The following RALGPS1 variants were observed in gnomAD, a reference collection of about 807,000 sequenced individuals.
The protein encoded by RALGPS1 is ras-specific guanine nucleotide-releasing factor RalGPS1.
RALGPS1 carries 19 observed loss-of-function variants against 78.8 expected under a neutral mutation model. The observed-to-expected ratio is 0.24, with a 90% CI of 0.17 to 0.35. The LOEUF (loss-of-function observed/expected upper bound fraction) is 0.35, where lower values mean the gene tolerates loss of function less well. RALGPS1 is among the 10% of genes least tolerant of loss of function. The probability of loss-of-function intolerance (pLI) is 1.00; values close to 1 mark genes in which losing one functional copy is unlikely to be tolerated. For synonymous variants in RALGPS1, 228 were observed against 256.3 expected, an observed-to-expected ratio of 0.89 and a Z score of 1.06; for missense variants, 454 against 688.3, an observed-to-expected ratio of 0.66 and a Z score of 3.81.
chr9:127,171,283 A>C (rs2139776814), intron 10 of RALGPS1, among the ~76,000 whole-genome samples: 1 of 152,338 alleles, frequency 6.6e-6, no homozygotes, highest in East Asian at 1.9e-4. Flanking sequence ...GATGGATAGA[A>C]GGATAGAATA....
chr9:127,213,182 G>T, intron 17 of RALGPS1, 133 bp downstream of exon 17: 2 of 1,475,006 alleles, frequency 1.4e-6, no homozygotes, highest in Non-Finnish European at 1.8e-6. Flanking sequence ...TGACGTTCAT[G>T]GGGTCCATGC....
intron 4 of RALGPS1, among the ~76,000 whole-genome samples, chr9:126,985,678 ACTT>A: frequency 6.6e-6 from 1 of 152,130 alleles, no homozygotes. Context: ...TAGTTCTTTT[ACTT>A]CTTGTCTTCT....
intron 5 of RALGPS1, 96 bp downstream of exon 5, chr9:127,034,610 C>T (rs1564455476): frequency 2.0e-6 from 2 of 1,025,194 alleles, no homozygotes; most frequent in Non-Finnish European, 3.1e-6. Flanking sequence ...TCCCAGGCTC[C>T]CAGCTGGCCC....
intron 8 of RALGPS1, among the ~76,000 whole-genome samples, chr9:127,160,904 A>T (rs923856274): frequency 6.6e-6 from 1 of 152,244 alleles, no homozygotes; most frequent in African/African-American, 2.4e-5. Flanking sequence ...CTAAGGTGCC[A>T]TGGTAAACAC....
At chr9:127,206,047 CCAGCAGAATT>C (rs1290655019) in intron 14 of RALGPS1, among the ~76,000 whole-genome samples, 4 of 152,198 alleles carry the variant, frequency 2.6e-5, no homozygotes, top group African/African-American at 9.7e-5. Context: ...AACCCAGGGC[CCAGCAGAATT>C]CAGGGTAGCA....
At chr9:127,037,548 A>C (rs2046964498) in intron 5 of RALGPS1, among the ~76,000 whole-genome samples, 1 of 152,240 alleles carries the variant, frequency 6.6e-6, no homozygotes, top group Non-Finnish European at 1.5e-5. Context: ...GGAGATACTG[A>C]CTTCAAATAT....
intron 4 of RALGPS1, among the ~76,000 whole-genome samples, chr9:126,996,207 C>CAA (rs1250341934): frequency 2.0e-5 from 3 of 152,050 alleles, no homozygotes; most frequent in Non-Finnish European, 4.4e-5. Flanking sequence ...GAAATAGAGA[C>CAA]ACAAAAAACC....
chr9:126,958,470 C>T (rs948536082), intron 1 of RALGPS1, among the ~76,000 whole-genome samples: 3 of 152,062 alleles, frequency 2.0e-5, no homozygotes, highest in African/African-American at 7.2e-5. Context: ...GCACTTTTGT[C>T]GCTCTAAATT....
intron 1 of RALGPS1, among the ~76,000 whole-genome samples, chr9:126,934,268 A>G (rs1350901565): frequency 6.6e-6 from 1 of 152,226 alleles, no homozygotes; most frequent in Non-Finnish European, 1.5e-5. Context: ...AACCATATGG[A>G]ACATCAATGT....
At chr9:126,972,852 A>G (rs574320457) in intron 3 of RALGPS1, among the ~76,000 whole-genome samples, 69 of 152,264 alleles carry the variant, frequency 4.5e-4, no homozygotes, top group Non-Finnish European at 7.2e-4. Context: ...TCACAAGGTC[A>G]GGAGTTTGAG....
At chr9:127,009,142 G>T (rs181032362) in intron 4 of RALGPS1, among the ~76,000 whole-genome samples, 34 of 152,308 alleles carry the variant, frequency 2.2e-4, no homozygotes, top group Admixed American at 2.2e-3. Flanking sequence ...GAGCCACATA[G>T]ACTTCATTGA....
intron 3 of RALGPS1, among the ~76,000 whole-genome samples, chr9:126,975,848 C>T (rs2040558388): frequency 1.3e-5 from 2 of 152,244 alleles, no homozygotes; most frequent in South Asian, 2.1e-4. Context: ...GCTCAGATTC[C>T]GCTCCAGTGC....
intron 4 of RALGPS1, among the ~76,000 whole-genome samples, chr9:126,992,728 G>T (rs1180038173): frequency 6.6e-6 from 1 of 152,200 alleles, no homozygotes; most frequent in Non-Finnish European, 1.5e-5. Context: ...ATTTATTTTA[G>T]TAATGTTGTG....
At chr9:127,179,038 G>A (rs546524630) in intron 11 of RALGPS1, among the ~76,000 whole-genome samples, 5 of 152,352 alleles carry the variant, frequency 3.3e-5, no homozygotes, top group South Asian at 2.1e-4. Context: ...ACAGGGTCCT[G>A]TAGGCACCTG....
chr9:127,110,930 C>G (rs540469029), intron 8 of RALGPS1, among the ~76,000 whole-genome samples: 13 of 152,250 alleles, frequency 8.5e-5, no homozygotes, highest in African/African-American at 3.1e-4. Flanking sequence ...TACCTTCTGT[C>G]CTCAACTTCA....
chr9:127,090,392 C>T (rs2052324483), intron 8 of RALGPS1, among the ~76,000 whole-genome samples: 1 of 152,260 alleles, frequency 6.6e-6, no homozygotes, highest in Non-Finnish European at 1.5e-5. Flanking sequence ...GAAGCCTCGG[C>T]AGCCCCTACT....
chr9:127,080,961 C>CA (rs1478692145), intron 8 of RALGPS1, among the ~76,000 whole-genome samples: 1 of 152,186 alleles, frequency 6.6e-6, no homozygotes, highest in African/African-American at 2.4e-5. Flanking sequence ...AAGGGATGCT[C>CA]AGCCTGTAGT....
intron 11 of RALGPS1, among the ~76,000 whole-genome samples, chr9:127,184,544 G>C (rs1275556350): frequency 6.6e-6 from 1 of 152,222 alleles, no homozygotes; most frequent in African/African-American, 2.4e-5. Flanking sequence ...CACAGGGTCT[G>C]GCAGACCTGG....
chr9:126,924,571 T>G (rs1278321453), intron 1 of RALGPS1, among the ~76,000 whole-genome samples: 2 of 152,220 alleles, frequency 1.3e-5, no homozygotes, highest in African/African-American at 2.4e-5. Context: ...AGGAATATCT[T>G]TGGTGTGCAT....
Sources: allele counts gnomAD v4.1 joint callset (sites outside exome capture counted in the v4.1 genomes callset), GRCh38; gene constraint gnomAD v4.1.1; transcripts MANE v1.5; gene names NCBI Gene and HGNC (gene_info 2026-07-23, HGNC 2026-07-21).